The following SNTG1 variants were observed in gnomAD, a reference collection of about 807,000 sequenced individuals.
The protein encoded by SNTG1 is syntrophin gamma 1, also known as gamma-1-syntrophin.
In SNTG1, 39 loss-of-function variants were observed where a neutral mutation model predicts 74.7. The observed-to-expected ratio is 0.52, with a 90% CI of 0.40 to 0.68. The LOEUF is 0.68. Ranked by LOEUF, SNTG1 falls within the 30% of genes least tolerant of loss-of-function variation. The probability of loss-of-function intolerance (pLI) is 0.00; values close to 1 mark genes in which losing one functional copy is unlikely to be tolerated. For synonymous variants in SNTG1, 254 were observed against 217.1 expected (o/e 1.17, Z -1.49); for missense variants, 685 against 609.5 (o/e 1.12, Z -1.30).
At chr8:50,695,876 A>C (rs549712940) in intron 15 of SNTG1, among the ~76,000 whole-genome samples, 1 of 151,836 alleles carries the variant, frequency 6.6e-6, no homozygotes, top group East Asian at 1.9e-4. Context: ...ATTATTCATC[A>C]CATAGGTTGA....
At chr8:50,036,370 G>A (rs1180364875) in intron 1 of SNTG1, among the ~76,000 whole-genome samples, 1 of 152,132 alleles carries the variant, frequency 6.6e-6, no homozygotes, top group African/African-American at 2.4e-5. Context: ...TCTTTTCTCT[G>A]CTTAAAACAT....
intron 2 of SNTG1, among the ~76,000 whole-genome samples, chr8:50,203,181 G>A (rs1331963268): frequency 6.6e-6 from 1 of 152,054 alleles, no homozygotes; most frequent in Non-Finnish European, 1.5e-5. Context: ...CTAGGATTCT[G>A]ATGAATCCAT....
At chr8:50,657,149 A>G (rs948554213) in intron 14 of SNTG1, 124 bp downstream of exon 14, 19 of 471,348 alleles carry the variant, frequency 4.0e-5, no homozygotes, top group Non-Finnish European at 6.2e-5. Context: ...AAAAGTAGAA[A>G]TCAGTTTATC....
chr8:50,680,565 T>C (rs776079880), intron 15 of SNTG1, among the ~76,000 whole-genome samples: 1 of 152,150 alleles, frequency 6.6e-6, no homozygotes, highest in Admixed American at 6.5e-5. Flanking sequence ...CTTGCACACA[T>C]TGAAATGTAT....
At chr8:49,937,952 T>G (rs1381121530) in intron 1 of SNTG1, among the ~76,000 whole-genome samples, 1 of 152,162 alleles carries the variant, frequency 6.6e-6, no homozygotes, top group Non-Finnish European at 1.5e-5. Context: ...GTCATTGACT[T>G]GTCCCTCCCT....
intron 1 of SNTG1, among the ~76,000 whole-genome samples, chr8:50,111,621 G>C (rs186494698): frequency 6.6e-6 from 1 of 152,046 alleles, no homozygotes; most frequent in East Asian, 1.9e-4. Flanking sequence ...TTATGGCAGC[G>C]CAAGAAGAGC....
intron 1 of SNTG1, among the ~76,000 whole-genome samples, chr8:49,997,217 G>A (rs1216521915): frequency 2.0e-5 from 3 of 151,780 alleles, no homozygotes; most frequent in Non-Finnish European, 2.9e-5. Flanking sequence ...AATTGTCTTG[G>A]GTCTATCCAA....
At chr8:50,749,257 G>A (rs1368570903) in intron 17 of SNTG1, among the ~76,000 whole-genome samples, 2 of 152,028 alleles carry the variant, frequency 1.3e-5, no homozygotes, top group Admixed American at 1.3e-4. Flanking sequence ...TCCAGGGGAA[G>A]GCTCTCTTTT....
intron 2 of SNTG1, among the ~76,000 whole-genome samples, chr8:50,296,664 C>T (rs539697133): frequency 1.4e-4 from 22 of 152,086 alleles, no homozygotes; most frequent in African/African-American, 5.1e-4. Context: ...CTAATGTATG[C>T]AGGGCTTAAA....
At chr8:50,392,389 T>C (rs1223231216) in intron 2 of SNTG1, among the ~76,000 whole-genome samples, 1 of 152,138 alleles carries the variant, frequency 6.6e-6, no homozygotes, top group Non-Finnish European at 1.5e-5. Context: ...AAAACATCGA[T>C]TATTCATTAC....
In SNTG1 at chr8:50,358,718, C is replaced by T. The variant is rs11985543; in HGVS notation, c.-27-35494C>T. Among the ~76,000 whole-genome samples, 1,394 of 152,240 alleles carry T rather than the reference C, an allele frequency of 9.2e-3. 27 individuals carry two copies. The highest frequency in any genetic ancestry group is 0.032 in the African/African-American group (1,321 of 41,536). ...ACTTTTAACAGTACAGGGATTAATGCTGTAATTTTTTTACAGATTTCAAAT... is the reference window on the plus strand; with the variant it reads ...ACTTTTAACAGTACAGGGATTAATGTTGTAATTTTTTTACAGATTTCAAAT... On this transcript the variant is annotated intron_variant, in intron 2 of 18. Transcript: ENST00000642720.
intron 2 of SNTG1, among the ~76,000 whole-genome samples, chr8:50,331,418 C>G (rs1211689733): frequency 1.3e-5 from 2 of 151,976 alleles, no homozygotes; most frequent in African/African-American, 4.8e-5. Context: ...GAGAAACAGC[C>G]CTGAGTGAGG....
rs577520643 is a variant in SNTG1, at chr8:50,380,923, T to C, written c.-27-13289T>C. 2.0e-5 allele frequency: 3 copies of C among 152,310 alleles called. No homozygotes were observed. In the East Asian group the frequency reaches 5.8e-4, roughly 29 times the overall value. The allele number at this position is 152,310 out of a possible 1,614,324, so 9.4% of individuals were successfully genotyped here. Reference sequence around the variant, plus strand: ...ACAGTCAGGAAATGTTCAGCTTCACTTTCACTTTTCTTGGTCAGGAACCAG... The same window carrying C: ...ACAGTCAGGAAATGTTCAGCTTCACCTTCACTTTTCTTGGTCAGGAACCAG... On this transcript the variant is annotated intron_variant, in intron 2 of 18. Coordinates refer to ENST00000642720, the MANE Select transcript of SNTG1 (RefSeq NM_018967.5).
chr8:50,565,976 C>A (rs889701631), intron 12 of SNTG1, among the ~76,000 whole-genome samples: 1 of 151,636 alleles, frequency 6.6e-6, no homozygotes, highest in Non-Finnish European at 1.5e-5. Context: ...TATTTTTTTA[C>A]GGAAATTTTC....
At chr8:50,127,968 C>T (rs933454889) in intron 1 of SNTG1, among the ~76,000 whole-genome samples, 2 of 152,010 alleles carry the variant, frequency 1.3e-5, no homozygotes, top group Non-Finnish European at 2.9e-5. Context: ...GTATGTATAT[C>T]GTTATCATGC....
chr8:50,199,907 C>T (rs2083921770), intron 2 of SNTG1, among the ~76,000 whole-genome samples: 1 of 152,050 alleles, frequency 6.6e-6, no homozygotes, highest in East Asian at 1.9e-4. Context: ...ATTAGGGAAC[C>T]TGTATTGTGG....
intron 4 of SNTG1, among the ~76,000 whole-genome samples, chr8:50,433,069 C>T (rs750978536): frequency 3.9e-5 from 6 of 152,184 alleles, no homozygotes; most frequent in Non-Finnish European, 8.8e-5. Context: ...GGATTACAGG[C>T]ATGAGCCACT....
At chr8:50,737,256 T>A (rs562237799) in intron 17 of SNTG1, among the ~76,000 whole-genome samples, 5 of 152,136 alleles carry the variant, frequency 3.3e-5, no homozygotes, top group Admixed American at 1.3e-4. Flanking sequence ...AAATACAAAC[T>A]ACCACCAGAG....
intron 2 of SNTG1, among the ~76,000 whole-genome samples, chr8:50,391,562 T>G (rs1053425241): frequency 6.6e-6 from 1 of 152,260 alleles, no homozygotes; most frequent in East Asian, 1.9e-4. Flanking sequence ...CCAGACTTTG[T>G]TATCAGGATG....
Sources: allele counts gnomAD v4.1 joint callset (sites outside exome capture counted in the v4.1 genomes callset), GRCh38; gene constraint gnomAD v4.1.1; transcripts MANE v1.5; gene names NCBI Gene and HGNC (gene_info 2026-07-23, HGNC 2026-07-21).